Variants in RBFOX3 observed in about 807,000 individuals in gnomAD.
RBFOX3 encodes the protein RNA binding fox-1 homolog 3.
In RBFOX3, 17 loss-of-function variants were observed where a neutral mutation model predicts 48.7. The observed-to-expected ratio is 0.35, with a 90% CI of 0.24 to 0.52. The LOEUF (loss-of-function observed/expected upper bound fraction) is 0.52. Ranked by LOEUF, RBFOX3 falls within the 20% of genes least tolerant of loss-of-function variation. RBFOX3 has a pLI of 0.94. For synonymous variants in RBFOX3, 212 were observed against 209.5 expected (o/e 1.01, Z -0.10); for missense variants, 382 against 497.5 (o/e 0.77, Z 2.21).
intron 2 of RBFOX3, among the ~76,000 whole-genome samples, chr17:79,370,508 G>T (rs894733189): frequency 6.6e-6 from 1 of 150,854 alleles, no homozygotes; most frequent in Non-Finnish European, 1.5e-5. Flanking sequence ...GCACACACAC[G>T]TACACGTCTC....
In RBFOX3 at chr17:79,198,489, GTGGGACAGATGGGTACAGC is replaced by G. The variant is rs370676435; in HGVS notation, c.-34+37258_-34+37276del. 2.0e-5 allele frequency among the ~76,000 whole-genome samples: 3 copies of G among 152,352 alleles called. No individual in the cohort carries two copies. The highest frequency in any genetic ancestry group is 7.2e-5 in the African/African-American group (3 of 41,580). Reference sequence around the variant, plus strand: ...ACCTCAGTATGCCTCACTCAAGCCTGTGGGACAGATGGGTACAGCTGGAGACTGAGGCTTGGAGAAGTTC... The same window carrying G: ...ACCTCAGTATGCCTCACTCAAGCCTGTGGAGACTGAGGCTTGGAGAAGTTC... On this transcript the variant is annotated intron_variant, in intron 4 of 14. Coordinates refer to ENST00000693108, the MANE Select transcript of RBFOX3 (RefSeq NM_001350451.2). The surrounding 1 kb of genome is among the most constrained non-coding windows in gnomAD (Gnocchi z 8.2).
At chr17:79,517,444 C>A (rs1474675797) in intron 1 of RBFOX3, among the ~76,000 whole-genome samples, 1,243 of 94,130 alleles carry the variant, frequency 0.013, no homozygotes, top group South Asian at 0.017. Context: ...GAGTCTGTCT[C>A]AAAAAAAAAA....
intron 2 of RBFOX3, among the ~76,000 whole-genome samples, chr17:79,468,202 CAAT>C (rs2076565367): frequency 6.6e-6 from 1 of 152,054 alleles, no homozygotes; most frequent in African/African-American, 2.4e-5. Flanking sequence ...ATCAACTTCA[CAAT>C]AATGATAGAA....
At chr17:79,457,188 T>G (rs2149220660) in intron 2 of RBFOX3, among the ~76,000 whole-genome samples, 1 of 152,276 alleles carries the variant, frequency 6.6e-6, no homozygotes, top group East Asian at 1.9e-4. Flanking sequence ...ATGTCCAGCA[T>G]GGAGTAGGGC....
intron 1 of RBFOX3, among the ~76,000 whole-genome samples, chr17:79,575,570 C>T (rs36168098): frequency 0.63 from 95,990 of 152,066 alleles, 30,780 homozygotes; most frequent in East Asian, 0.93. Flanking sequence ...TTAGAGAAAC[C>T]GGTTGGAGGG....
chr17:79,517,129 T>C (rs1428167883), intron 1 of RBFOX3, among the ~76,000 whole-genome samples: 15 of 152,212 alleles, frequency 9.9e-5, no homozygotes, highest in African/African-American at 3.4e-4. Flanking sequence ...GTAAGTGTTA[T>C]GTCATGTGTA....
intron 3 of RBFOX3, among the ~76,000 whole-genome samples, chr17:79,286,757 G>A (rs1024057818): frequency 3.9e-5 from 6 of 152,174 alleles, no homozygotes; most frequent in Admixed American, 1.3e-4. Flanking sequence ...CAGGCTGTGC[G>A]TTAACATAGA....
chr17:79,474,598 C>T (rs1215309031), intron 2 of RBFOX3, among the ~76,000 whole-genome samples: 2 of 152,192 alleles, frequency 1.3e-5, no homozygotes, highest in African/African-American at 4.8e-5. Flanking sequence ...TCACATTTGA[C>T]TTTTGTATCC....
At chr17:79,659,716 T>A in the RBFOX3 span, among the ~76,000 whole-genome samples, 1 of 152,044 alleles carries the variant, frequency 6.6e-6, no homozygotes, top group Non-Finnish European at 1.5e-5. Context: ...ATACATATGC[T>A]CAAAAGTACA....
rs2066477310 is a variant in RBFOX3 at position 79,421,973 on chromosome 17, C to CA, written c.-175+60480_-175+60481insT. The stretch of plus-strand genomic sequence containing the variant: ...TCCCAACAGAATTCTAGGTGCTGCC[C>CA]GGACGAGATGAGGAGGGGGACTTGC... On this transcript the variant is annotated intron_variant, in intron 2 of 14. Transcript: ENST00000693108. The surrounding 1 kb of genome is among the most constrained non-coding windows in gnomAD (Gnocchi z 4.5). 6.6e-6 allele frequency among the ~76,000 whole-genome samples: 1 copy of CA among 152,100 alleles called. No individual in the cohort carries two copies. Among genetic ancestry groups the CA allele is most frequent in the Non-Finnish European group, 1.5e-5 (1 of 68,016 alleles).
At chr17:79,179,330 T>C (rs1302808302) in intron 4 of RBFOX3, among the ~76,000 whole-genome samples, 1 of 152,154 alleles carries the variant, frequency 6.6e-6, no homozygotes, top group Non-Finnish European at 1.5e-5. Context: ...CAAGAAGCAA[T>C]TGCTGGGCAC....
chr17:79,580,250 C>G, intron 1 of RBFOX3, among the ~76,000 whole-genome samples: 1 of 143,588 alleles, frequency 7.0e-6, no homozygotes, highest in South Asian at 2.4e-4. Context: ...ATCTCCTCCT[C>G]CTCCTCCCCC....
In RBFOX3 at chr17:79,473,137, C is replaced by T. The variant is rs1374471788; in HGVS notation, c.-175+9317G>A. Among the ~76,000 whole-genome samples, 4 of 152,252 alleles carry T rather than the reference C, an allele frequency of 2.6e-5. No homozygotes were observed. The highest frequency in any genetic ancestry group is 4.4e-5 in the Non-Finnish European group (3 of 68,054). On this transcript the variant is annotated intron_variant, in intron 2 of 14. Transcript: ENST00000693108. This position sits in a 1 kb window ranked among gnomAD's most constrained non-coding sequence, Gnocchi z 4.2. ...ACGATTAGACTCATCAGACCTAAAACGACTCCTTCAAATGACTAAAAGATT... is the reference window on the plus strand; with the variant it reads ...ACGATTAGACTCATCAGACCTAAAATGACTCCTTCAAATGACTAAAAGATT...
At chr17:79,498,727 C>T (rs1280729994) in intron 1 of RBFOX3, among the ~76,000 whole-genome samples, 1 of 150,594 alleles carries the variant, frequency 6.6e-6, no homozygotes, top group African/African-American at 2.5e-5. Flanking sequence ...TCCACCCACC[C>T]CATCTACCCA....
intron 1 of RBFOX3, among the ~76,000 whole-genome samples, chr17:79,576,572 G>A (rs2144688592): frequency 6.6e-6 from 1 of 152,154 alleles, no homozygotes; most frequent in South Asian, 2.1e-4. Flanking sequence ...TGGAGATGAT[G>A]GAGAAGGTGG....
intron 4 of RBFOX3, among the ~76,000 whole-genome samples, chr17:79,206,105 T>C (rs1480155052): frequency 6.6e-6 from 1 of 152,150 alleles, no homozygotes; most frequent in Admixed American, 6.5e-5. Context: ...AGGTAAAGCC[T>C]AGCAAGAAGG....
At chr17:79,166,789 A>G (rs994407233) in intron 4 of RBFOX3, among the ~76,000 whole-genome samples, 54 of 152,172 alleles carry the variant, frequency 3.5e-4, no homozygotes, top group Middle Eastern at 3.2e-3. Context: ...AAACAAAGGG[A>G]AGTTGCCAAT....
At chr17:79,259,600 G>A (rs2065412235) in intron 3 of RBFOX3, among the ~76,000 whole-genome samples, 3 of 152,216 alleles carry the variant, frequency 2.0e-5, no homozygotes, top group Non-Finnish European at 4.4e-5. Context: ...GGGACCGCAT[G>A]GAAGGGAAGG....
In RBFOX3 at chr17:79,254,072, A is replaced by G. The variant is rs912859459; in HGVS notation, c.-73-18267T>C. 6.6e-6 allele frequency among the ~76,000 whole-genome samples: 1 copy of G among 152,208 alleles called. No individual in the cohort carries two copies. The highest frequency in any genetic ancestry group is 2.4e-5 in the African/African-American group (1 of 41,450). On this transcript the variant is annotated intron_variant, in intron 3 of 14. Transcript: ENST00000693108. This position sits in a 1 kb window ranked among gnomAD's most constrained non-coding sequence, Gnocchi z 4.8. ...TGGTGGCAGGACTTCTGAGTCCTCC[A>G]TGGTGCAAATGAAGTCACTGCAATG...
Sources: allele counts gnomAD v4.1 joint callset (sites outside exome capture counted in the v4.1 genomes callset), GRCh38; gene constraint gnomAD v4.1.1; non-coding constraint Gnocchi (gnomAD v3.1); transcripts MANE v1.5; gene names NCBI Gene and HGNC (gene_info 2026-07-23, HGNC 2026-07-21).